GRM1: variants seen among roughly 807,000 people sequenced by gnomAD.
GRM1 encodes glutamate metabotropic receptor 1.
GRM1 carries 33 observed loss-of-function variants against 90.9 expected under a neutral mutation model. That is an observed-to-expected ratio of 0.36 (90% CI 0.28 to 0.49). The LOEUF (loss-of-function observed/expected upper bound fraction) is 0.49. Ranked by LOEUF, GRM1 falls within the 20% of genes least tolerant of loss-of-function variation. GRM1 has a pLI of 0.99. For missense variants in GRM1, 1,190 were observed against 1,534.3 expected, an observed-to-expected ratio of 0.78 and a Z score of 3.75; for synonymous variants, 700 against 613.2, an observed-to-expected ratio of 1.14 and a Z score of -2.09.
chr6:146,394,575 G>A (rs1043105629), intron 6 of GRM1, among the ~76,000 whole-genome samples: 6 of 152,060 alleles, frequency 3.9e-5, no homozygotes, highest in African/African-American at 1.4e-4. Flanking sequence ...ACTAATGGGT[G>A]TAATCATCAG....
At chr6:146,385,162 G>A (rs555331175) in intron 5 of GRM1, among the ~76,000 whole-genome samples, 7 of 152,052 alleles carry the variant, frequency 4.6e-5, no homozygotes, top group East Asian at 1.9e-4. Flanking sequence ...CAAATCCTAA[G>A]CAGGATAAAC....
At chr6:146,358,016 A>C (rs1785655455) in intron 5 of GRM1, among the ~76,000 whole-genome samples, 1 of 152,246 alleles carries the variant, frequency 6.6e-6, no homozygotes, top group Non-Finnish European at 1.5e-5. Flanking sequence ...CAAAGTCAAT[A>C]ATAGTGCTTA....
chr6:146,062,927 C>T (rs117381785), intron 1 of GRM1, among the ~76,000 whole-genome samples: 6 of 152,036 alleles, frequency 3.9e-5, no homozygotes, highest in Non-Finnish European at 8.8e-5. Context: ...CCTTGCCATG[C>T]CTTTACAGAG....
In GRM1 at chr6:146,159,421, T is replaced by G. The variant is rs183502505; in HGVS notation, c.774T>G (p.Ser258=). The G allele has an allele frequency of 2.0e-4, 325 of 1,614,204 alleles. 3 individuals are homozygous for G. The East Asian group carries it at 6.1e-3, about 30-fold the overall frequency. The change falls in exon 2 of 8, where the codon TCT becomes TCG. Residue 258 remains serine, a synonymous_variant. Transcript: ENST00000282753. The stretch of plus-strand genomic sequence containing the variant: ...AGGAAGGCCTCTGTATCGCCCATTC[T>G]GACAAAATCTACAGCAACGCTGGGG... ...AAQEGLCIAH[S]DKIYSNAGEK...
At chr6:146,098,343 A>G (rs1776940074) in intron 1 of GRM1, among the ~76,000 whole-genome samples, 1 of 152,156 alleles carries the variant, frequency 6.6e-6, no homozygotes, top group East Asian at 1.9e-4. Flanking sequence ...TCTATAGAGA[A>G]TTTACATAAA....
At chr6:146,094,395 G>A (rs1293245865) in intron 1 of GRM1, among the ~76,000 whole-genome samples, 1 of 152,038 alleles carries the variant, frequency 6.6e-6, no homozygotes, top group Non-Finnish European at 1.5e-5. Flanking sequence ...ATGGAACTGA[G>A]GCCTTACAAT....
intron 1 of GRM1, among the ~76,000 whole-genome samples, chr6:146,143,676 T>C (rs936685274): frequency 2.6e-5 from 4 of 152,272 alleles, no homozygotes; most frequent in Middle Eastern, 3.4e-3. Flanking sequence ...CCTACAGTAA[T>C]ACACTTGTAA....
chr6:146,222,990 A>G (rs1780122717), intron 2 of GRM1, among the ~76,000 whole-genome samples: 1 of 151,998 alleles, frequency 6.6e-6, no homozygotes. Context: ...CGTAGGAAAG[A>G]TCAGAAGAAG....
At chr6:146,130,397 G>T (rs58167663) in intron 1 of GRM1, among the ~76,000 whole-genome samples, 1,524 of 152,136 alleles carry the variant, frequency 0.01, 23 homozygotes, top group African/African-American at 0.035. Context: ...AAGAAAAATA[G>T]GTGGAGGATG....
intron 2 of GRM1, among the ~76,000 whole-genome samples, chr6:146,213,385 G>A (rs1187205538): frequency 1.3e-5 from 2 of 152,218 alleles, no homozygotes; most frequent in East Asian, 1.9e-4. Flanking sequence ...GCATCAGAGA[G>A]CTGGAAGTGA....
At chr6:146,317,521 C>A (rs560364945) in intron 3 of GRM1, among the ~76,000 whole-genome samples, 52 of 152,212 alleles carry the variant, frequency 3.4e-4, no homozygotes, top group African/African-American at 1.1e-3. Context: ...GTTATAGGAA[C>A]CCCCCTACTT....
chr6:146,413,647 A>C (rs1030825788), intron 7 of GRM1, among the ~76,000 whole-genome samples: 2 of 152,194 alleles, frequency 1.3e-5, no homozygotes, highest in Non-Finnish European at 2.9e-5. Flanking sequence ...TGTGTAATAC[A>C]CTCATGAAAC....
At chr6:146,248,288 A>G (rs1583219354) in intron 2 of GRM1, among the ~76,000 whole-genome samples, 1 of 152,176 alleles carries the variant, frequency 6.6e-6, no homozygotes, top group East Asian at 1.9e-4. Context: ...AATTACTGTC[A>G]AGATAGGTGG....
intron 1 of GRM1, among the ~76,000 whole-genome samples, chr6:146,107,741 C>G (rs1299809179): frequency 6.6e-6 from 1 of 152,148 alleles, no homozygotes; most frequent in African/African-American, 2.4e-5. Context: ...CTGCGAGTTA[C>G]CTTCCTATTC....
chr6:146,270,646 A>G (rs1373422180), intron 2 of GRM1, among the ~76,000 whole-genome samples: 1 of 152,114 alleles, frequency 6.6e-6, no homozygotes, highest in African/African-American at 2.4e-5. Flanking sequence ...GTGACACCTG[A>G]GATAGTTGGT....
chr6:146,326,619 TA>T lies in GRM1; in HGVS notation c.1186+21776del, dbSNP rs373096619. 4.9e-3 allele frequency among the ~76,000 whole-genome samples: 751 copies of T among 152,184 alleles called. 8 individuals are homozygous for T. The highest frequency in any genetic ancestry group is 0.017 in the African/African-American group (718 of 41,530). On this transcript the variant is annotated intron_variant, in intron 3 of 7. Coordinates refer to ENST00000282753, the MANE Select transcript of GRM1 (RefSeq NM_001278064.2). ...TAAAAAAAAATAAAAGTGATATGAATAAATAATAGTAAAATTAATAAGTAGA... is the reference window on the plus strand; with the variant it reads ...TAAAAAAAAATAAAAGTGATATGAATAATAATAGTAAAATTAATAAGTAGA...
chr6:146,399,259 G>C lies in GRM1; in HGVS notation c.2220G>C (p.Lys740Asn). 6.2e-7 allele frequency: 1 copy of C among 1,614,002 alleles called. No homozygotes were observed. Among genetic ancestry groups the C allele is most frequent in the Non-Finnish European group, 8.5e-7 (1 of 1,179,992 alleles). Residue 740 changes from lysine (K) to asparagine (N), a missense_variant, in exon 7 of 8, where the codon AAG (lysine) becomes AAC (asparagine). By Grantham distance (94) the Lys-to-Asn change is moderately conservative. Transcript: ENST00000282753. The surrounding 1 kb of genome is among the most constrained non-coding windows in gnomAD (Gnocchi z 5.4). ...PMPILSYPSIKEVYLICNTSN... is the reference protein window; with the variant it reads ...PMPILSYPSINEVYLICNTSN... ...CCATTCTGTCCTACCCAAGTATCAA[G>C]GAAGTCTACCTTATCTGCAATACCA...
chr6:146,172,043 A>G (rs1179759876), intron 2 of GRM1, among the ~76,000 whole-genome samples: 2 of 151,880 alleles, frequency 1.3e-5, no homozygotes, highest in African/African-American at 4.8e-5. Context: ...GGCAGAAGAG[A>G]CAATAGATAT....
chr6:146,142,973 C>A (rs974382763), intron 1 of GRM1, among the ~76,000 whole-genome samples: 13 of 152,182 alleles, frequency 8.5e-5, no homozygotes, highest in African/African-American at 2.9e-4. Context: ...AGTCTCCCAT[C>A]ATAGCTACCA....
Sources: gnomAD v4.1 joint callset for allele counts (sites outside exome capture counted in the v4.1 genomes callset) on GRCh38, gnomAD v4.1.1 for gene constraint, Gnocchi (gnomAD v3.1) non-coding constraint, MANE v1.5 for transcripts, NCBI Gene and HGNC (gene_info 2026-07-23, HGNC 2026-07-21) for gene names.